Variants in LARS2 observed in about 807,000 individuals in gnomAD.
LARS2 encodes the protein leucine--tRNA ligase, mitochondrial.
In LARS2, 81 loss-of-function variants were observed where a neutral mutation model predicts 116.6. The ratio of observed to expected loss-of-function variants is 0.69; its 90% confidence interval spans 0.58 to 0.84. The LOEUF is 0.84. Among genes scored for constraint, LARS2 ranks in the 40% least tolerant of loss-of-function variants. LARS2 has a pLI of 0.00. For missense variants in LARS2, 968 were observed against 1,114.5 expected, an observed-to-expected ratio of 0.87 and a Z score of 1.87; for synonymous variants, 396 against 407.2, an observed-to-expected ratio of 0.97 and a Z score of 0.33.
chr3:45,425,364 A>C (rs1698576709), intron 6 of LARS2, among the ~76,000 whole-genome samples: 1 of 152,188 alleles, frequency 6.6e-6, no homozygotes, highest in Non-Finnish European at 1.5e-5. Context: ...CTGCCCTGTA[A>C]GGCTGTTGTT....
At chr3:45,488,579 C>A in intron 11 of LARS2, 118 bp from the exon 12 acceptor site, 2 of 666,044 alleles carry the variant, frequency 3.0e-6, no homozygotes, top group Non-Finnish European at 5.4e-6. Flanking sequence ...TTTAAAACTT[C>A]TATAACTAAA....
In LARS2 at chr3:45,390,767, C is replaced by G. The variant is rs564417911; in HGVS notation, c.-87-816C>G. On this transcript the variant is annotated intron_variant, in intron 1 of 21. Transcript: ENST00000645846. Reference sequence around the variant, plus strand: ...TCCCGGGTTCACGCCTTTCTCCTGCCTCAGCCTCTCTAGTAGCTGGGACTA... The same window carrying G: ...TCCCGGGTTCACGCCTTTCTCCTGCGTCAGCCTCTCTAGTAGCTGGGACTA... Among the ~76,000 whole-genome samples, 6 of 152,004 alleles carry G rather than the reference C, an allele frequency of 3.9e-5. No individual in the cohort carries two copies. The South Asian group carries it at 1.2e-3, about 32-fold the overall frequency.
intron 4 of LARS2, among the ~76,000 whole-genome samples, chr3:45,405,166 C>G (rs1201107339): frequency 6.6e-6 from 1 of 151,490 alleles, no homozygotes; most frequent in Non-Finnish European, 1.5e-5. Flanking sequence ...GTTGATCAGG[C>G]TGGTCTTGAA....
At position 45,425,222 on chromosome 3, in the gene LARS2, C is replaced by T. The variant is rs1008799885; in HGVS notation, c.516+5493C>T. The stretch of plus-strand genomic sequence containing the variant: ...TTCCTGTAATAAATGTTTTTTACAA[C>T]TTTCGGATGCTGTGTTCTTGTCTGT... On this transcript the variant is annotated intron_variant, in intron 6 of 21. Coordinates refer to ENST00000645846, the MANE Select transcript of LARS2 (RefSeq NM_015340.4). 6.6e-5 allele frequency among the ~76,000 whole-genome samples: 10 copies of T among 152,072 alleles called. No homozygotes were observed. In the East Asian group the frequency reaches 1.3e-3, roughly 20 times the overall value.
intron 13 of LARS2, among the ~76,000 whole-genome samples, chr3:45,492,761 G>A (rs1699945474): frequency 6.6e-6 from 1 of 152,160 alleles, no homozygotes; most frequent in African/African-American, 2.4e-5. Context: ...ATACCTTCTA[G>A]GCCTTCAATA....
At chr3:45,491,920 G>A in intron 13 of LARS2, 120 bp downstream of exon 13, 2 of 984,562 alleles carry the variant, frequency 2.0e-6, no homozygotes, top group South Asian at 3.2e-5. Context: ...CTTCCATGAG[G>A]CTGGAAAGAA....
At chr3:45,514,251 A>G (rs2125751681) in intron 16 of LARS2, among the ~76,000 whole-genome samples, 1 of 152,254 alleles carries the variant, frequency 6.6e-6, no homozygotes, top group African/African-American at 2.4e-5. Context: ...CATGCAGTAT[A>G]CATAGGGACA....
intron 20 of LARS2, among the ~76,000 whole-genome samples, chr3:45,536,447 A>T (rs924836285): frequency 2.6e-5 from 4 of 152,184 alleles, no homozygotes; most frequent in Admixed American, 1.3e-4. Context: ...ACACACACCT[A>T]ACCAGATCCA....
rs147040469 is a variant in LARS2 at position 45,544,259 on chromosome 3, G to A, written c.2532+2303G>A. 1.2e-4 allele frequency among the ~76,000 whole-genome samples: 19 copies of A among 152,384 alleles called. 1 individual carries two copies. The East Asian group carries it at 3.7e-3, about 29-fold the overall frequency. On this transcript the variant is annotated intron_variant, in intron 21 of 21. Transcript: ENST00000645846. ...ACCGCCTTGTCACCTTGGAACAAAG[G>A]TCTGGGGGCACATGAGCTGTCACAC...
chr3:45,446,849 G>A lies in LARS2; in HGVS notation c.517-42G>A, dbSNP rs567444582. Reference sequence around the variant, plus strand: ...ACTGAGCATGCATGGCTGGGGGGATGTTTATAATGGCCTGTACATTATTTT... The same window carrying A: ...ACTGAGCATGCATGGCTGGGGGGATATTTATAATGGCCTGTACATTATTTT... On this transcript the variant is annotated intron_variant, in intron 6 of 21. Coordinates refer to ENST00000645846, the MANE Select transcript of LARS2 (RefSeq NM_015340.4). 366 of 1,242,768 alleles carry A rather than the reference G, an allele frequency of 2.9e-4. 4 individuals carry two copies. The South Asian group carries it at 4.3e-3, about 15-fold the overall frequency. 77.0% of individuals were successfully genotyped at this position (1,242,768 alleles called of 1,614,324 possible).
rs188575376 is a variant in LARS2, at chr3:45,390,059, C to T, written c.-88+1379C>T. On this transcript the variant is annotated intron_variant, in intron 1 of 21. Coordinates refer to ENST00000645846, the MANE Select transcript of LARS2 (RefSeq NM_015340.4). ...GATATGAACTATTCTTAAAAAGGTC[C>T]TAACACAGGTTATCAGATTGCCCCC... Among the ~76,000 whole-genome samples, 494 of 152,264 alleles carry T rather than the reference C, an allele frequency of 3.2e-3. 1 individual carries two copies. Among genetic ancestry groups the T allele is most frequent in the Non-Finnish European group, 5.9e-3 (401 of 68,010 alleles).
intron 20 of LARS2, among the ~76,000 whole-genome samples, chr3:45,536,846 T>G (rs546743151): frequency 6.6e-6 from 1 of 152,248 alleles, no homozygotes; most frequent in African/African-American, 2.4e-5. Flanking sequence ...ATGTGGTGGA[T>G]GGATGTGACA....
intron 6 of LARS2, among the ~76,000 whole-genome samples, chr3:45,423,360 T>C (rs564103312): frequency 2.4e-4 from 37 of 152,308 alleles, no homozygotes; most frequent in African/African-American, 8.9e-4. Context: ...TCACCCAGGC[T>C]GGAGTGCAGT....
At chr3:45,497,659 C>T (rs1043048168) in intron 14 of LARS2, among the ~76,000 whole-genome samples, 8 of 152,200 alleles carry the variant, frequency 5.3e-5, no homozygotes, top group Non-Finnish European at 8.8e-5. Flanking sequence ...GTAATTCCAG[C>T]GCTTTGGGAG....
chr3:45,392,444 G>A (rs962974172), intron 2 of LARS2, among the ~76,000 whole-genome samples: 4 of 151,606 alleles, frequency 2.6e-5, no homozygotes, highest in African/African-American at 9.7e-5. Context: ...ACAGATGCAC[G>A]TCACCATGCC....
chr3:45,474,909 AGAT>A (rs1208712585), intron 9 of LARS2, among the ~76,000 whole-genome samples: 2 of 152,216 alleles, frequency 1.3e-5, no homozygotes, highest in Non-Finnish European at 2.9e-5. Flanking sequence ...TTTCAAAACT[AGAT>A]AGACTTAGAG....
intron 8 of LARS2, among the ~76,000 whole-genome samples, chr3:45,469,845 G>T (rs374022992): frequency 2.7e-4 from 41 of 151,990 alleles, no homozygotes; most frequent in East Asian, 9.6e-4. Flanking sequence ...AGAAATTTTG[G>T]CAACAAGAGT....
At chr3:45,540,544 G>A (rs1326026990) in intron 20 of LARS2, among the ~76,000 whole-genome samples, 1 of 152,182 alleles carries the variant, frequency 6.6e-6, no homozygotes, top group Non-Finnish European at 1.5e-5. Flanking sequence ...CAAAGGGCCA[G>A]TTCCACCTCC....
chr3:45,467,959 C>T (rs1184840986), intron 8 of LARS2, among the ~76,000 whole-genome samples: 1 of 151,964 alleles, frequency 6.6e-6, no homozygotes, highest in Admixed American at 6.5e-5. Context: ...GTGGTGTTCA[C>T]CTATAGTATG....
Sources: allele counts gnomAD v4.1 joint callset (sites outside exome capture counted in the v4.1 genomes callset), GRCh38; gene constraint gnomAD v4.1.1; transcripts MANE v1.5; gene names NCBI Gene and HGNC (gene_info 2026-07-23, HGNC 2026-07-21).